NPR3: variants seen among roughly 807,000 people sequenced by gnomAD.
NPR3 encodes natriuretic peptide receptor 3, also known as atrial natriuretic peptide receptor 3.
NPR3 carries 34 observed loss-of-function variants against 54.5 expected under a neutral mutation model. The observed-to-expected ratio is 0.62, with a 90% CI of 0.47 to 0.83. NPR3 has a LOEUF of 0.83. Among genes scored for constraint, NPR3 ranks in the 40% least tolerant of loss-of-function variants. The probability of loss-of-function intolerance (pLI) is 0.00; values close to 1 mark genes in which losing one functional copy is unlikely to be tolerated. For missense variants in NPR3, 674 were observed against 720.8 expected, an observed-to-expected ratio of 0.94 and a Z score of 0.74; for synonymous variants, 289 against 297.1, an observed-to-expected ratio of 0.97 and a Z score of 0.28.
chr5:32,716,338 T>C, intron 1 of NPR3: 2 of 446,748 alleles, frequency 4.5e-6, no homozygotes, highest in Non-Finnish European at 8.9e-6. Flanking sequence ...CCTGTAGGTA[T>C]TGACCTTCAT....
In NPR3 at chr5:32,790,574, G is replaced by C. The variant is rs547923008; in HGVS notation, c.*4229G>C. The C allele has an allele frequency of 4.8e-5, 8 of 166,570 alleles. No individual in the cohort carries two copies. The highest frequency in any genetic ancestry group is 1.2e-4 in the Non-Finnish European group (8 of 68,114). The allele number at this position is 166,570 out of a possible 1,614,324, so 10.3% of individuals were successfully genotyped here. A position where few individuals can be genotyped will look rare whatever the true frequency, so the allele number is the denominator to read the frequency against. ...CTGTGATGTGCATAAACTCCAACAA[G>C]CCTGGCTTTGGTGTTCAGCATGCAC... On this transcript the variant is annotated 3_prime_UTR_variant, in exon 8 of 8. Coordinates refer to ENST00000265074, the MANE Select transcript of NPR3 (RefSeq NM_001204375.2).
intron 1 of NPR3, among the ~76,000 whole-genome samples, chr5:32,701,343 C>A (rs1281741238): frequency 6.6e-6 from 1 of 152,190 alleles, no homozygotes; most frequent in Admixed American, 6.5e-5. Context: ...TCCAGAATTT[C>A]TCCTTGATTC....
chr5:32,766,489 T>G (rs1741480404), intron 3 of NPR3, among the ~76,000 whole-genome samples: 1 of 152,324 alleles, frequency 6.6e-6, no homozygotes, highest in Admixed American at 6.5e-5. Flanking sequence ...TTTAGGAGCA[T>G]TTCCAATCAA....
In NPR3 at chr5:32,788,078, C is replaced by G. The variant is rs1147225; in HGVS notation, c.*1733C>G. On this transcript the variant is annotated 3_prime_UTR_variant, in exon 8 of 8. Coordinates refer to ENST00000265074, the MANE Select transcript of NPR3 (RefSeq NM_001204375.2). The stretch of plus-strand genomic sequence containing the variant: ...GTGTGAGTGCTTCCCTGGAGAAGTC[C>G]GCTTCTGTTGCTCCCACCTGAGTCA... 2.6e-5 allele frequency: 4 copies of G among 152,016 alleles called. No homozygotes were observed. Among genetic ancestry groups the G allele is most frequent in the Admixed American group, 6.6e-5 (1 of 15,256 alleles). The allele number at this position is 152,016 out of a possible 1,614,324, so 9.4% of individuals were successfully genotyped here.
chr5:32,745,608 A>C (rs1430739113), intron 3 of NPR3, among the ~76,000 whole-genome samples: 1 of 152,220 alleles, frequency 6.6e-6, no homozygotes, highest in South Asian at 2.1e-4. Context: ...TAAGGGGGCA[A>C]ACCCATGACC....
intron 4 of NPR3, among the ~76,000 whole-genome samples, chr5:32,779,837 A>G (rs1742246503): frequency 6.6e-6 from 1 of 152,206 alleles, no homozygotes; most frequent in African/African-American, 2.4e-5. Flanking sequence ...GATGAAAACA[A>G]TTAACTTCCC....
chr5:32,749,269 A>G (rs1740452954), intron 3 of NPR3, among the ~76,000 whole-genome samples: 1 of 152,162 alleles, frequency 6.6e-6, no homozygotes, highest in African/African-American at 2.4e-5. Flanking sequence ...ATTTGTTGAG[A>G]TAAGGTTTTT....
intron 3 of NPR3, among the ~76,000 whole-genome samples, chr5:32,769,711 C>T (rs1741652540): frequency 6.6e-6 from 1 of 152,208 alleles, no homozygotes; most frequent in Non-Finnish European, 1.5e-5. Flanking sequence ...AAGCATTGAA[C>T]TCGGTCACTT....
intron 4 of NPR3, among the ~76,000 whole-genome samples, chr5:32,776,932 G>A (rs1268655797): frequency 5.3e-5 from 8 of 152,114 alleles, no homozygotes; most frequent in Non-Finnish European, 8.8e-5. Flanking sequence ...GTAGAGACCC[G>A]AGGGAAGTGA....
At chr5:32,704,039 G>A (rs1355880294) in intron 1 of NPR3, among the ~76,000 whole-genome samples, 1 of 152,234 alleles carries the variant, frequency 6.6e-6, no homozygotes, top group East Asian at 1.9e-4. Flanking sequence ...CCAACCACTA[G>A]GATGGATGAT....
intron 3 of NPR3, among the ~76,000 whole-genome samples, chr5:32,759,877 T>C (rs909133018): frequency 1.3e-5 from 2 of 152,148 alleles, no homozygotes; most frequent in South Asian, 4.1e-4. Context: ...CTTAGTTTGG[T>C]TGGATATGAA....
chr5:32,715,194 G>A (rs1319727176), intron 1 of NPR3, among the ~76,000 whole-genome samples: 1 of 152,206 alleles, frequency 6.6e-6, no homozygotes, highest in East Asian at 1.9e-4. Flanking sequence ...GAAACAATGT[G>A]TGGGGTGAGA....
At chr5:32,746,699 T>C (rs1312823866) in intron 3 of NPR3, among the ~76,000 whole-genome samples, 2 of 152,232 alleles carry the variant, frequency 1.3e-5, no homozygotes, top group Admixed American at 1.3e-4. Context: ...AATTTGTCCC[T>C]GCTACTATTT....
chr5:32,749,033 C>T lies in NPR3; in HGVS notation c.1059+10003C>T, dbSNP rs1740440339. Reference sequence around the variant, plus strand: ...GCTCTCTCTTGTTTTCTGTGCCCCCCTTTTAAAAGATAGCACCTTGACTTG... The same window carrying T: ...GCTCTCTCTTGTTTTCTGTGCCCCCTTTTTAAAAGATAGCACCTTGACTTG... On this transcript the variant is annotated intron_variant, in intron 3 of 7. Coordinates refer to ENST00000265074, the MANE Select transcript of NPR3 (RefSeq NM_001204375.2). 2.0e-5 allele frequency among the ~76,000 whole-genome samples: 3 copies of T among 152,042 alleles called. No homozygotes were observed. In the South Asian group the frequency reaches 6.2e-4, roughly 32 times the overall value.
At chr5:32,720,379 TA>T (rs1216928704) in intron 1 of NPR3, among the ~76,000 whole-genome samples, 2 of 152,220 alleles carry the variant, frequency 1.3e-5, no homozygotes, top group Non-Finnish European at 2.9e-5. Flanking sequence ...ATTTTGGAAA[TA>T]AGTATCCCCC....
chr5:32,722,915 T>C (rs1738939441), intron 1 of NPR3, among the ~76,000 whole-genome samples: 1 of 152,210 alleles, frequency 6.6e-6, no homozygotes, highest in East Asian at 1.9e-4. Context: ...TACTTGTAGA[T>C]CTTTAATATT....
At chr5:32,739,635 T>G (rs1409698930) in intron 3 of NPR3, among the ~76,000 whole-genome samples, 1 of 152,174 alleles carries the variant, frequency 6.6e-6, no homozygotes, top group Non-Finnish European at 1.5e-5. Flanking sequence ...GAACCTCATT[T>G]CAGACTGAGG....
intron 1 of NPR3, among the ~76,000 whole-genome samples, chr5:32,699,096 T>C (rs1432753295): frequency 6.6e-6 from 1 of 152,178 alleles, no homozygotes; most frequent in African/African-American, 2.4e-5. Context: ...TTTTCTGCAA[T>C]GGTGTGTTTT....
At chr5:32,696,578 G>A (rs1042384374) in intron 1 of NPR3, among the ~76,000 whole-genome samples, 2 of 152,014 alleles carry the variant, frequency 1.3e-5, no homozygotes, top group Non-Finnish European at 2.9e-5. Flanking sequence ...CATTGAATAT[G>A]TAGATGGTTT....
Sources: gnomAD v4.1 joint callset for allele counts (sites outside exome capture counted in the v4.1 genomes callset) on GRCh38, gnomAD v4.1.1 for gene constraint, MANE v1.5 for transcripts, NCBI Gene and HGNC (gene_info 2026-07-23, HGNC 2026-07-21) for gene names.